The following STPG2 variants were observed in gnomAD, a reference collection of about 807,000 sequenced individuals.
STPG2 encodes sperm-tail PG-rich repeat-containing protein 2.
A neutral mutation model predicts 54.2 loss-of-function variants in STPG2; 56 were observed. That is an observed-to-expected ratio of 1.03 (90% confidence interval 0.83 to 1.29). The LOEUF is 1.29. Ranked by LOEUF, STPG2 falls within the 50% of genes most tolerant of loss-of-function variation. The probability of loss-of-function intolerance (pLI) is 0.00; values close to 1 mark genes in which losing one functional copy is unlikely to be tolerated. For missense variants in STPG2, 596 were observed against 544.9 expected, an observed-to-expected ratio of 1.09 and a Z score of -0.93; for synonymous variants, 200 against 181.8, an observed-to-expected ratio of 1.10 and a Z score of -0.81.
intron 9 of STPG2, among the ~76,000 whole-genome samples, chr4:97,806,063 C>T (rs149748519): frequency 4.6e-5 from 7 of 152,188 alleles, no homozygotes; most frequent in Non-Finnish European, 8.8e-5. Context: ...GTATGTTCAA[C>T]GCAGTGCTAT....
In STPG2 at chr4:97,888,213, T is replaced by G. The variant is rs150479356; in HGVS notation, c.1045-47281A>C. 4.3e-3 allele frequency among the ~76,000 whole-genome samples: 648 copies of G among 152,286 alleles called. 3 individuals carry two copies. Among genetic ancestry groups the G allele is most frequent in the Middle Eastern group, 0.014 (4 of 294 alleles). On this transcript the variant is annotated intron_variant, in intron 8 of 10. Coordinates refer to ENST00000295268, the MANE Select transcript of STPG2 (RefSeq NM_174952.3). ...ACACAGGTTCCACTGGGGCACTGCT[T>G]AGGCGAGCTGTGATAAGAGGGCCAC...
chr4:97,746,663 A>G (rs1020318564), intron 9 of STPG2, among the ~76,000 whole-genome samples: 1 of 151,190 alleles, frequency 6.6e-6, no homozygotes, highest in African/African-American at 2.4e-5. Context: ...CTAGCAGTGG[A>G]ATAAAAGAAA....
intron 4 of STPG2, among the ~76,000 whole-genome samples, chr4:97,530,852 G>A (rs1486185488): frequency 6.6e-6 from 1 of 152,132 alleles, no homozygotes; most frequent in East Asian, 1.9e-4. Flanking sequence ...CAGGGGGACT[G>A]GAGATTTCAC....
chr4:98,026,230 C>T (rs1294633646), intron 5 of STPG2: 7 of 1,057,592 alleles, frequency 6.6e-6, no homozygotes, highest in Non-Finnish European at 8.7e-6. Flanking sequence ...AGAAAGCAAG[C>T]CCCCTCAAGA....
In STPG2 at chr4:97,568,545, T is replaced by C. The variant is rs141066256; in HGVS notation, c.1321-9428A>G. ...CTGCTGAGAGGGCTGGAAACAACCA[T>C]ACATACTGCAGTAGCAATGAGCACA... On this transcript the variant is annotated intron_variant, in intron 10 of 10. Transcript: ENST00000295268. 2.2e-3 allele frequency among the ~76,000 whole-genome samples: 335 copies of C among 152,158 alleles called. 4 individuals are homozygous for C. The East Asian group carries it at 0.035, about 16-fold the overall frequency.
At chr4:97,915,155 A>G (rs780915697) in intron 8 of STPG2, among the ~76,000 whole-genome samples, 30 of 152,168 alleles carry the variant, frequency 2.0e-4, no homozygotes, top group African/African-American at 7.2e-4. Context: ...CTTACTGAGT[A>G]GTTACTAAGG....
At chr4:97,458,668 TA>T (rs1300845318) in intron 4 of STPG2, among the ~76,000 whole-genome samples, 1 of 152,094 alleles carries the variant, frequency 6.6e-6, no homozygotes, top group Non-Finnish European at 1.5e-5. Context: ...TGGAAATGTT[TA>T]AAAAAATCAT....
intron 5 of STPG2, among the ~76,000 whole-genome samples, chr4:98,028,531 C>T (rs1124253): frequency 0.39 from 59,968 of 152,038 alleles, 12,059 homozygotes; most frequent in Middle Eastern, 0.46. Context: ...CCTTCACTAG[C>T]AGTAAGTATC....
intron 8 of STPG2, among the ~76,000 whole-genome samples, chr4:97,939,744 T>A (rs1288335334): frequency 6.6e-6 from 1 of 152,188 alleles, no homozygotes; most frequent in Non-Finnish European, 1.5e-5. Flanking sequence ...TGGGTCTTGC[T>A]TTTTTATCCA....
intron 5 of STPG2, among the ~76,000 whole-genome samples, chr4:97,981,658 T>C (rs1212802518): frequency 1.3e-5 from 2 of 151,574 alleles, no homozygotes; most frequent in African/African-American, 4.8e-5. Flanking sequence ...TAAAAAACTA[T>C]ATGATCTAAC....
At chr4:97,621,932 T>C (rs1478680421) in intron 10 of STPG2, among the ~76,000 whole-genome samples, 1 of 152,140 alleles carries the variant, frequency 6.6e-6, no homozygotes, top group Non-Finnish European at 1.5e-5. Flanking sequence ...ATCCACCATA[T>C]CAAGTAGGCT....
chr4:97,758,724 G>A (rs529465368), intron 9 of STPG2, among the ~76,000 whole-genome samples: 120 of 151,984 alleles, frequency 7.9e-4, no homozygotes, highest in Non-Finnish European at 1.5e-3. Flanking sequence ...AAACCACCAT[G>A]GCACATGTAA....
chr4:97,739,155 T>C (rs1725128632), intron 9 of STPG2, among the ~76,000 whole-genome samples: 2 of 152,114 alleles, frequency 1.3e-5, no homozygotes, highest in Admixed American at 6.5e-5. Context: ...AAGATGTTCT[T>C]TGAAACCAAC....
chr4:97,935,922 C>T (rs1732730923), intron 8 of STPG2, among the ~76,000 whole-genome samples: 1 of 151,990 alleles, frequency 6.6e-6, no homozygotes, highest in African/African-American at 2.4e-5. Flanking sequence ...AGCACAAGTC[C>T]TGACTATCCT....
intron 9 of STPG2, among the ~76,000 whole-genome samples, chr4:97,785,163 A>G (rs1338960894): frequency 6.6e-6 from 1 of 152,080 alleles, no homozygotes; most frequent in Non-Finnish European, 1.5e-5. Flanking sequence ...GTACTGTCAT[A>G]TAATATTTTT....
intron 8 of STPG2, among the ~76,000 whole-genome samples, chr4:97,919,579 A>G (rs991669207): frequency 2.0e-5 from 3 of 152,076 alleles, no homozygotes; most frequent in African/African-American, 2.4e-5. Context: ...AATTTGAAAA[A>G]TGGATATATT....
At chr4:98,116,529 G>A (rs977625440) in intron 3 of STPG2, among the ~76,000 whole-genome samples, 7 of 151,854 alleles carry the variant, frequency 4.6e-5, no homozygotes, top group East Asian at 3.9e-4. Flanking sequence ...TAACTTGTCC[G>A]TCACCTTGGG....
chr4:98,107,910 G>C (rs1739233370), intron 4 of STPG2, among the ~76,000 whole-genome samples: 1 of 151,996 alleles, frequency 6.6e-6, no homozygotes, highest in East Asian at 1.9e-4. Flanking sequence ...ACCTTGTCTT[G>C]CTTGGAATAA....
chr4:97,704,936 AGAAAAAATATG>A (rs1268869356), intron 10 of STPG2, among the ~76,000 whole-genome samples: 5 of 152,256 alleles, frequency 3.3e-5, no homozygotes, highest in Non-Finnish European at 5.9e-5. Flanking sequence ...AAATTTATCA[AGAAAAAATATG>A]GAAAAAATAT....
Sources: allele counts gnomAD v4.1 joint callset (sites outside exome capture counted in the v4.1 genomes callset), GRCh38; gene constraint gnomAD v4.1.1; transcripts MANE v1.5; gene names NCBI Gene and HGNC (gene_info 2026-07-23, HGNC 2026-07-21).